Variants in ST3GAL5 observed in about 807,000 individuals in gnomAD.
ST3GAL5 encodes ST3 beta-galactoside alpha-2,3-sialyltransferase 5, also known as lactosylceramide alpha-2,3-sialyltransferase.
Under a neutral mutation model 46.1 loss-of-function variants are expected in ST3GAL5, and 25 were observed. The ratio of observed to expected loss-of-function variants is 0.54; its 90% CI spans 0.40 to 0.76. The LOEUF (loss-of-function observed/expected upper bound fraction) is 0.76, where lower values mean the gene tolerates loss of function less well. Among genes scored for constraint, ST3GAL5 ranks in the 30% least tolerant of loss-of-function variants. The probability of loss-of-function intolerance (pLI) is 0.00; values close to 1 mark genes in which losing one functional copy is unlikely to be tolerated. For missense variants in ST3GAL5, 431 were observed against 521.2 expected, an observed-to-expected ratio of 0.83 and a Z score of 1.69; for synonymous variants, 182 against 192.7, an observed-to-expected ratio of 0.94 and a Z score of 0.46.
In ST3GAL5 at chr2:85,837,357, T is replaced by A. The variant is rs1351647722; in HGVS notation, c.*2787A>T. On this transcript the variant is annotated 3_prime_UTR_variant, in exon 7 of 7. Coordinates refer to ENST00000638572, the MANE Select transcript of ST3GAL5 (RefSeq NM_003896.4). ...ACACAGAAAGACAAATATCACATGT[T>A]CTCATTCCTATGTAGGAGCTAAAAA... is the stretch of plus-strand genomic sequence containing the variant. 1 of 152,218 alleles carries A rather than the reference T, an allele frequency of 6.6e-6. No homozygotes were observed. The highest frequency in any genetic ancestry group is 1.5e-5 in the Non-Finnish European group (1 of 68,032). 9.4% of individuals were successfully genotyped at this position (152,218 alleles called of 1,614,324 possible). A position where few individuals can be genotyped will look rare whatever the true frequency, so the allele number is the denominator to read the frequency against.
chr2:85,865,599 A>C (rs1685207342), intron 1 of ST3GAL5, among the ~76,000 whole-genome samples: 1 of 152,234 alleles, frequency 6.6e-6, no homozygotes, highest in Non-Finnish European at 1.5e-5. Context: ...ATGTACAGTC[A>C]GCCAAGTGGT....
chr2:85,886,509 G>A (rs1184963687), intron 1 of ST3GAL5, among the ~76,000 whole-genome samples: 1 of 151,916 alleles, frequency 6.6e-6, no homozygotes, highest in African/African-American at 2.4e-5. Flanking sequence ...GACACTTATG[G>A]TATGTCTACT....
intron 1 of ST3GAL5, among the ~76,000 whole-genome samples, chr2:85,887,124 C>G (rs1179721712): frequency 2.6e-5 from 4 of 152,094 alleles, no homozygotes; most frequent in Non-Finnish European, 5.9e-5. Context: ...CATTGCCTCC[C>G]GAGGCCAACC....
intron 1 of ST3GAL5, among the ~76,000 whole-genome samples, chr2:85,869,388 T>TC (rs1461550925): frequency 6.8e-6 from 1 of 146,310 alleles, no homozygotes; most frequent in African/African-American, 2.5e-5. Context: ...TTGCATTCCT[T>TC]TTTTTTTTTT....
At chr2:85,846,057 G>A (rs111709433) in intron 5 of ST3GAL5, 6,564 of 304,510 alleles carry the variant, frequency 0.022, 100 homozygotes, top group South Asian at 0.032. Flanking sequence ...TTAACTGGGC[G>A]TGGTGGCAGG....
At chr2:85,863,133 G>A (rs1048838282) in intron 2 of ST3GAL5, among the ~76,000 whole-genome samples, 1 of 152,246 alleles carries the variant, frequency 6.6e-6, no homozygotes, top group African/African-American at 2.4e-5. Flanking sequence ...TAGAGAGCCT[G>A]AGCAGCTACT....
intron 4 of ST3GAL5, 127 bp from the exon 5 acceptor site, chr2:85,846,690 G>C (rs979207816): frequency 7.0e-6 from 6 of 862,692 alleles, no homozygotes; most frequent in Admixed American, 4.2e-5. Context: ...ATGGTTTGCA[G>C]CCTCATCTCC....
rs761427979 is a variant in ST3GAL5, at chr2:85,846,411, T to G, written c.815A>C (p.Asn272Thr). The G allele has an allele frequency of 2.5e-6, 4 of 1,614,212 alleles. No individual in the cohort carries two copies. In the South Asian group the frequency reaches 4.4e-5, roughly 18 times the overall value. ...CTTTTTTACCATTGCTTGAAGCCAG[T>G]TGAAATCAACACTCTTAAATAAAAC... ...VAVLFKSVDF[N>T]WLQAMVKKET... Residue 272 changes from asparagine to threonine, a missense_variant, in exon 5 of 7, where the codon AAC becomes ACC. Physicochemically the swap from Asn to Thr is moderately conservative, Grantham distance 65. Coordinates refer to ENST00000638572, the MANE Select transcript of ST3GAL5 (RefSeq NM_003896.4).
At chr2:85,885,721 G>A (rs1483956978) in intron 1 of ST3GAL5, among the ~76,000 whole-genome samples, 8 of 152,008 alleles carry the variant, frequency 5.3e-5, no homozygotes, top group Admixed American at 3.3e-4. Flanking sequence ...CCAGCTACTC[G>A]GGAAGCTGAG....
intron 1 of ST3GAL5, among the ~76,000 whole-genome samples, chr2:85,868,768 G>A (rs961420920): frequency 6.6e-5 from 10 of 151,814 alleles, no homozygotes; most frequent in East Asian, 1.9e-4. Flanking sequence ...ACAGGCATGC[G>A]CCACCACACC....
chr2:85,880,728 A>T (rs1161764535), intron 1 of ST3GAL5, among the ~76,000 whole-genome samples: 1 of 152,040 alleles, frequency 6.6e-6, no homozygotes, highest in Non-Finnish European at 1.5e-5. Context: ...GGAGGCTGAG[A>T]CAGGAGAACC....
intron 3 of ST3GAL5, chr2:85,851,309 T>A (rs1456252813): frequency 8.7e-6 from 10 of 1,156,002 alleles, no homozygotes; most frequent in Non-Finnish European, 9.7e-6. Context: ...GTGGATGCAG[T>A]AGTAAATCCT....
rs1044450043 is a variant in ST3GAL5, at chr2:85,857,895, C to G, written c.318+3286G>C. 2.6e-5 allele frequency among the ~76,000 whole-genome samples: 4 copies of G among 152,254 alleles called. No individual in the cohort carries two copies. In the South Asian group the frequency reaches 6.2e-4, roughly 24 times the overall value. On this transcript the variant is annotated intron_variant, in intron 3 of 6. Transcript: ENST00000638572. Reference sequence around the variant, plus strand: ...AAGAGCAGGTGACTCTAAAGGGCAGCCCTCGCTCACTACACCTTTCCTTAG... The same window carrying G: ...AAGAGCAGGTGACTCTAAAGGGCAGGCCTCGCTCACTACACCTTTCCTTAG...
chr2:85,874,721 A>C (rs535224347), intron 1 of ST3GAL5, among the ~76,000 whole-genome samples: 66 of 151,816 alleles, frequency 4.3e-4, no homozygotes, highest in Non-Finnish European at 7.1e-4. Flanking sequence ...GGAACCTAAA[A>C]AGTACCTCGC....
At chr2:85,864,028 A>T (rs141378923) in intron 1 of ST3GAL5, among the ~76,000 whole-genome samples, 9 of 152,298 alleles carry the variant, frequency 5.9e-5, no homozygotes, top group East Asian at 3.9e-4. Context: ...TCTTAAAATG[A>T]CAAAATTATA....
chr2:85,871,038 C>G (rs1352370291), intron 1 of ST3GAL5, among the ~76,000 whole-genome samples: 1 of 137,812 alleles, frequency 7.3e-6, no homozygotes. Flanking sequence ...AACCATTTAT[C>G]TTTTTTTTTT....
At chr2:85,841,314 C>T (rs1278375868) in intron 6 of ST3GAL5, among the ~76,000 whole-genome samples, 1 of 151,708 alleles carries the variant, frequency 6.6e-6, no homozygotes, top group Non-Finnish European at 1.5e-5. Flanking sequence ...TTCCCACCGT[C>T]TGTTTGGGCA....
At chr2:85,873,053 G>C (rs1212787559) in intron 1 of ST3GAL5, among the ~76,000 whole-genome samples, 2 of 152,232 alleles carry the variant, frequency 1.3e-5, no homozygotes, top group African/African-American at 4.8e-5. Context: ...CCTGCCCCAA[G>C]GTGGGGCTGG....
At chr2:85,859,963 A>C (rs1298778446) in intron 3 of ST3GAL5, among the ~76,000 whole-genome samples, 1 of 152,128 alleles carries the variant, frequency 6.6e-6, no homozygotes, top group Non-Finnish European at 1.5e-5. Context: ...GACACTCCCT[A>C]ACCAGGCAGA....
Sources: allele counts gnomAD v4.1 joint callset (sites outside exome capture counted in the v4.1 genomes callset), GRCh38; gene constraint gnomAD v4.1.1; transcripts MANE v1.5; gene names NCBI Gene and HGNC (gene_info 2026-07-23, HGNC 2026-07-21).